The following ADAMTS17 variants were observed in gnomAD, a reference collection of about 807,000 sequenced individuals.
ADAMTS17 encodes the protein A disintegrin and metalloproteinase with thrombospondin motifs 17.
ADAMTS17 carries 113 observed loss-of-function variants against 141.5 expected under a neutral mutation model. The observed-to-expected ratio is 0.80, with a 90% CI of 0.69 to 0.93. The LOEUF is 0.93. ADAMTS17 is among the 40% of genes least tolerant of loss of function. ADAMTS17 has a pLI of 0.00. For synonymous variants in ADAMTS17, 768 were observed against 630.6 expected (o/e 1.22, Z -3.27); for missense variants, 1,659 against 1,517.9 (o/e 1.09, Z -1.54).
chr15:100,004,864 G>A (rs2061007545), intron 18 of ADAMTS17, among the ~76,000 whole-genome samples: 2 of 152,086 alleles, frequency 1.3e-5, no homozygotes, highest in African/African-American at 4.8e-5. Context: ...CCAGTGATCC[G>A]CCCGCCTTGG....
intron 10 of ADAMTS17, among the ~76,000 whole-genome samples, chr15:100,138,946 A>G (rs140400019): frequency 6.6e-6 from 1 of 152,320 alleles, no homozygotes; most frequent in East Asian, 1.9e-4. Flanking sequence ...GACAAAAATT[A>G]TCAGTGATTT....
intron 6 of ADAMTS17, among the ~76,000 whole-genome samples, chr15:100,259,472 G>A (rs550038004): frequency 1.3e-5 from 2 of 152,366 alleles, no homozygotes; most frequent in South Asian, 4.1e-4. Context: ...GGCGGTGCCT[G>A]AAGGCTCCCA....
In ADAMTS17 at chr15:100,220,807, C is replaced by T. The variant is rs74037567; in HGVS notation, c.1076-21384G>A. On this transcript the variant is annotated intron_variant, in intron 7 of 21. Transcript: ENST00000268070. ...GACTGGCTTCTTTCATTTAGCATAA[C>T]GTTGTCAAGGGTCATCCATGTCACA... Among the ~76,000 whole-genome samples the T allele has an allele frequency of 6.6e-3, 1,001 of 152,288 alleles. 18 individuals are homozygous for T. Among genetic ancestry groups the T allele is most frequent in the African/African-American group, 0.023 (976 of 41,546 alleles).
intron 3 of ADAMTS17, among the ~76,000 whole-genome samples, chr15:100,309,871 C>T (rs2045348042): frequency 6.6e-6 from 1 of 152,224 alleles, no homozygotes. Flanking sequence ...AACGCCTGTA[C>T]ACACGTGATG....
intron 15 of ADAMTS17, among the ~76,000 whole-genome samples, chr15:100,081,260 G>T (rs2034715359): frequency 1.3e-5 from 2 of 152,150 alleles, no homozygotes; most frequent in African/African-American, 4.8e-5. Flanking sequence ...TTCAGTTTTG[G>T]GACTGGGACT....
intron 18 of ADAMTS17, among the ~76,000 whole-genome samples, chr15:100,006,410 T>C (rs1397515880): frequency 6.6e-6 from 1 of 152,218 alleles, no homozygotes; most frequent in Non-Finnish European, 1.5e-5. Context: ...AGATTTAAAC[T>C]AGGTAAAGGC....
In ADAMTS17 at chr15:100,070,122, A is replaced by G. The variant is rs138354062; in HGVS notation, c.2138-16068T>C. On this transcript the variant is annotated intron_variant, in intron 15 of 21. Coordinates refer to ENST00000268070, the MANE Select transcript of ADAMTS17 (RefSeq NM_139057.4). ...GTCTGATAAAACAGACTTTAATCCA[A>G]CAAAGATCAAAAGAGACAAAGAAGG... 4.7e-5 allele frequency among the ~76,000 whole-genome samples: 7 copies of G among 150,462 alleles called. 1 individual carries two copies. The highest frequency in any genetic ancestry group is 3.9e-4 in the East Asian group (2 of 5,152).
At chr15:100,112,524 G>A (rs937457843) in intron 13 of ADAMTS17, among the ~76,000 whole-genome samples, 3 of 152,128 alleles carry the variant, frequency 2.0e-5, no homozygotes, top group African/African-American at 7.2e-5. Flanking sequence ...TTTCCCTCCA[G>A]GTTGCCTTAG....
chr15:99,978,202 C>T lies in ADAMTS17; in HGVS notation c.2950-1980G>A, dbSNP rs556980592. Among the ~76,000 whole-genome samples, 846 of 152,266 alleles carry T rather than the reference C, an allele frequency of 5.6e-3. 10 individuals carry two copies. The highest frequency in any genetic ancestry group is 0.019 in the African/African-American group (789 of 41,544). ...CAGGCTGCGTGGGAGGCGGTGGTGT[C>T]CCATCTGTGCCTGGGAGGGCTGTCT... On this transcript the variant is annotated intron_variant, in intron 20 of 21. Transcript: ENST00000268070.
chr15:100,053,609 G>A (rs1596308076), intron 16 of ADAMTS17, among the ~76,000 whole-genome samples: 1 of 152,314 alleles, frequency 6.6e-6, no homozygotes, highest in Admixed American at 6.5e-5. Context: ...CATCCACGTG[G>A]CTAAGCATTT....
At chr15:100,150,721 G>A (rs931005146) in intron 10 of ADAMTS17, among the ~76,000 whole-genome samples, 18 of 152,092 alleles carry the variant, frequency 1.2e-4, no homozygotes, top group South Asian at 2.1e-4. Context: ...AGCCTGGCCC[G>A]CCACATCTCA....
At chr15:99,994,020 G>A (rs1298848630) in intron 19 of ADAMTS17, among the ~76,000 whole-genome samples, 3 of 152,164 alleles carry the variant, frequency 2.0e-5, no homozygotes, top group Non-Finnish European at 4.4e-5. Context: ...TCTGGAGCCT[G>A]CTCCTGACAC....
At chr15:100,208,764 A>C (rs2041677802) in intron 7 of ADAMTS17, among the ~76,000 whole-genome samples, 1 of 4,968 alleles carries the variant, frequency 2.0e-4, no homozygotes, top group Non-Finnish European at 0.016. Flanking sequence ...TAGAAGGAGA[A>C]GAGGCCTTGG....
At chr15:100,251,071 G>A (rs367905800) in intron 7 of ADAMTS17, among the ~76,000 whole-genome samples, 11 of 151,892 alleles carry the variant, frequency 7.2e-5, no homozygotes, top group African/African-American at 2.7e-4. Context: ...CACCATATAC[G>A]TTTAATTTTT....
intron 7 of ADAMTS17, among the ~76,000 whole-genome samples, chr15:100,224,685 A>G (rs2141814358): frequency 6.6e-6 from 1 of 152,268 alleles, no homozygotes; most frequent in East Asian, 1.9e-4. Flanking sequence ...TCCTAGGATT[A>G]CATCTCCCAA....
intron 8 of ADAMTS17, among the ~76,000 whole-genome samples, chr15:100,170,524 C>T (rs1436579032): frequency 2.6e-5 from 4 of 152,186 alleles, no homozygotes; most frequent in African/African-American, 4.8e-5. Flanking sequence ...AAAGATACAT[C>T]AAATTGGGAA....
At chr15:100,136,860 G>A (rs2038359639) in intron 10 of ADAMTS17, among the ~76,000 whole-genome samples, 1 of 152,186 alleles carries the variant, frequency 6.6e-6, no homozygotes, top group African/African-American at 2.4e-5. Context: ...CTGGGTTTCA[G>A]AGATACACCA....
chr15:100,297,725 G>A (rs980812386), intron 3 of ADAMTS17, among the ~76,000 whole-genome samples: 14 of 152,102 alleles, frequency 9.2e-5, no homozygotes, highest in Non-Finnish European at 1.8e-4. Context: ...CTGGCTGTGC[G>A]GATTTGGGAG....
At chr15:100,229,281 A>T (rs879818530) in intron 7 of ADAMTS17, among the ~76,000 whole-genome samples, 1 of 101,856 alleles carries the variant, frequency 9.8e-6, no homozygotes, top group Admixed American at 1.1e-4. Flanking sequence ...AGCTCTCCCC[A>T]CCCCCTCCCC....
Sources: allele counts gnomAD v4.1 joint callset (sites outside exome capture counted in the v4.1 genomes callset), GRCh38; gene constraint gnomAD v4.1.1; transcripts MANE v1.5; gene names NCBI Gene and HGNC (gene_info 2026-07-23, HGNC 2026-07-21).